The following ZNF420 variants were observed in gnomAD, a reference collection of about 807,000 sequenced individuals.
ZNF420 encodes the protein zinc finger protein 420, also known as ATM and p53-associated KZNF protein.
A neutral mutation model predicts 44.7 loss-of-function variants in ZNF420; 31 were observed. That is an observed-to-expected ratio of 0.69 (90% CI 0.52 to 0.94). The LOEUF (loss-of-function observed/expected upper bound fraction) is 0.94. ZNF420 is among the 40% of genes least tolerant of loss of function. The pLI, the probability that ZNF420 is intolerant of heterozygous loss-of-function variation, is 0.00. For synonymous variants in ZNF420, 245 were observed against 267.4 expected (o/e 0.92, Z 0.82); for missense variants, 681 against 827.9 (o/e 0.82, Z 2.18).
intron 1 of ZNF420, among the ~76,000 whole-genome samples, chr19:37,061,323 T>C (rs1967876624): frequency 6.6e-6 from 1 of 152,224 alleles, no homozygotes. Flanking sequence ...AATTCATGTC[T>C]TCTATAGAGT....
At chr19:37,072,457 T>C (rs534309359) in intron 1 of ZNF420, among the ~76,000 whole-genome samples, 25 of 152,348 alleles carry the variant, frequency 1.6e-4, no homozygotes, top group African/African-American at 6.0e-4. Flanking sequence ...ATACTCCAGA[T>C]TGTAAATTTT....
intron 1 of ZNF420, among the ~76,000 whole-genome samples, chr19:37,066,305 T>C (rs1446530848): frequency 1.3e-5 from 2 of 152,070 alleles, no homozygotes; most frequent in South Asian, 4.1e-4. Flanking sequence ...TAGCTGGGCA[T>C]AGTGGCATGC....
In ZNF420 at chr19:37,078,516, T is replaced by G. The variant is rs1968237143; in HGVS notation, c.-179T>G. 6.6e-6 allele frequency: 1 copy of G among 152,316 alleles called. No individual in the cohort carries two copies. The highest frequency in any genetic ancestry group is 2.1e-4 in the South Asian group (1 of 4,836). The allele number at this position is 152,316 out of a possible 1,614,324, so 9.4% of individuals were successfully genotyped here. ...ACCTGCTGGGCTGGCGAACCCGAAA[T>G]TGGGCTTGGAACCCGGGAGCCAGAT... On this transcript the variant is annotated 5_prime_UTR_variant, in exon 1 of 5. Transcript: ENST00000337995.
At chr19:37,030,166 TG>T (rs1967231495) in intron 1 of ZNF420, among the ~76,000 whole-genome samples, 5 of 152,118 alleles carry the variant, frequency 3.3e-5, no homozygotes, top group Non-Finnish European at 7.4e-5. Context: ...TTGTTGTTGT[TG>T]TTGTTGTTGT....
At chr19:37,066,970 A>G (rs1437597259) in intron 1 of ZNF420, among the ~76,000 whole-genome samples, 1 of 152,260 alleles carries the variant, frequency 6.6e-6, no homozygotes, top group East Asian at 1.9e-4. Flanking sequence ...ACTATTGAGT[A>G]TACCACAAAC....
At position 37,064,872 on chromosome 19, in the gene ZNF420, G is replaced by A. The variant is rs143084137; in HGVS notation, c.-124-15473G>A. On this transcript the variant is annotated intron_variant, in intron 1 of 4. Coordinates refer to the ZNF420 transcript ENST00000587029. Reference sequence around the variant, plus strand: ...CCAGGTCGTGGGGGTGACAAAGTCCGGCGGAGTCAAAGGATTGAGAAAAAG... The same window carrying A: ...CCAGGTCGTGGGGGTGACAAAGTCCAGCGGAGTCAAAGGATTGAGAAAAAG... 6.3e-3 allele frequency among the ~76,000 whole-genome samples: 953 copies of A among 152,278 alleles called. 28 individuals carry two copies. Among genetic ancestry groups the A allele is most frequent in the East Asian group, 0.05 (257 of 5,162 alleles).
Position 37,130,168 on chromosome 19 carries a change from G to A in ZNF420, c.*1110G>A. 1 of 1,550,424 alleles carries A rather than the reference G, an allele frequency of 6.4e-7. No individual in the cohort carries two copies. The highest frequency in any genetic ancestry group is 8.7e-7 in the Non-Finnish European group (1 of 1,146,932). On this transcript the variant is annotated 3_prime_UTR_variant, in exon 5 of 5. Coordinates refer to ENST00000337995, the MANE Select transcript of ZNF420 (RefSeq NM_144689.5). ...GCTGGAGCTCCGTTACTCTCATGGGGACTTTGAGAATGGTATCTGGGTGTT... is the reference window on the plus strand; with the variant it reads ...GCTGGAGCTCCGTTACTCTCATGGGAACTTTGAGAATGGTATCTGGGTGTT...
At chr19:37,079,217 T>C (rs1968291391) in intron 1 of ZNF420, among the ~76,000 whole-genome samples, 1 of 152,216 alleles carries the variant, frequency 6.6e-6, no homozygotes. Flanking sequence ...GGTCTAACAA[T>C]GTAGCATAAT....
chr19:37,073,156 A>G (rs1968087167), intron 1 of ZNF420, among the ~76,000 whole-genome samples: 3 of 152,116 alleles, frequency 2.0e-5, no homozygotes, highest in Non-Finnish European at 4.4e-5. Context: ...ACCATGAGCC[A>G]TGATTACACC....
intron 1 of ZNF420, among the ~76,000 whole-genome samples, chr19:37,060,041 T>A (rs1041898029): frequency 5.3e-5 from 8 of 152,094 alleles, no homozygotes; most frequent in African/African-American, 1.7e-4. Context: ...GTCACGTGGC[T>A]GGTTGTCTCG....
chr19:37,037,866 T>C (rs1967387122), intron 1 of ZNF420, among the ~76,000 whole-genome samples: 2 of 152,222 alleles, frequency 1.3e-5, no homozygotes, highest in Admixed American at 1.3e-4. Context: ...ATATTCGCCT[T>C]GTTGTGGTGA....
upstream of ZNF420, chr19:37,078,274 C>T (rs1419519789): frequency 1.3e-5 from 2 of 152,262 alleles, no homozygotes; most frequent in Non-Finnish European, 2.9e-5. Context: ...AGGCCGAGCC[C>T]ACGAGCCCCT....
chr19:37,032,357 T>C (rs1018744908), intron 1 of ZNF420, among the ~76,000 whole-genome samples: 4 of 147,926 alleles, frequency 2.7e-5, no homozygotes, highest in African/African-American at 1.0e-4. Context: ...AAACTAAAAT[T>C]AGCCAGGCGT....
At chr19:37,015,159 T>C (rs1252752961) in intron 1 of ZNF420, among the ~76,000 whole-genome samples, 1 of 152,226 alleles carries the variant, frequency 6.6e-6, no homozygotes, top group African/African-American at 2.4e-5. Context: ...TGTGTGTGTG[T>C]GGTTTCTTGT....
Position 37,129,067 on chromosome 19 carries a change from A to T in ZNF420, c.*9A>T. 6.2e-7 allele frequency: 1 copy of T among 1,602,834 alleles called. No individual in the cohort carries two copies. The highest frequency in any genetic ancestry group is 8.5e-7 in the Non-Finnish European group (1 of 1,172,292). ...CACAAGTTTACATGTGAATTGTCTG[A>T]TTATTTGAGATCACTATGAAGAGGT... is the stretch of plus-strand genomic sequence containing the variant. On this transcript the variant is annotated 3_prime_UTR_variant, in exon 5 of 5. Transcript: ENST00000337995.
intron 1 of ZNF420, among the ~76,000 whole-genome samples, chr19:37,059,824 G>C (rs961934709): frequency 2.0e-5 from 3 of 151,758 alleles, no homozygotes; most frequent in Non-Finnish European, 2.9e-5. Flanking sequence ...CTCTATCTCT[G>C]TGTGTGTGTG....
intron 2 of ZNF420, among the ~76,000 whole-genome samples, chr19:37,080,590 G>C (rs1180227634): frequency 6.6e-6 from 1 of 152,158 alleles, no homozygotes; most frequent in East Asian, 1.9e-4. Context: ...ATGGATTTGA[G>C]ACTCATGGAT....
Position 37,052,360 on chromosome 19 carries a change from C to A in ZNF420, c.-124-27985C>A, listed in dbSNP as rs1372444141. ...TTAATTGGAGCATTTAGCCCATTTA[C>A]ATTTAAGGTTAATATTGTTATGGGT... On this transcript the variant is annotated intron_variant, in intron 1 of 4. Coordinates refer to the ZNF420 transcript ENST00000587029. Among the ~76,000 whole-genome samples, 5 of 152,020 alleles carry A rather than the reference C, an allele frequency of 3.3e-5. No homozygotes were observed. In the South Asian group the frequency reaches 1.0e-3, roughly 32 times the overall value.
chr19:37,025,660 C>T (rs1018155348), intron 1 of ZNF420, among the ~76,000 whole-genome samples: 1 of 151,630 alleles, frequency 6.6e-6, no homozygotes, highest in South Asian at 2.1e-4. Context: ...AAGATGTTGA[C>T]ATCTCACAAT....
Sources: allele counts gnomAD v4.1 joint callset (sites outside exome capture counted in the v4.1 genomes callset), GRCh38; gene constraint gnomAD v4.1.1; transcripts MANE v1.5; gene names NCBI Gene and HGNC (gene_info 2026-07-23, HGNC 2026-07-21).